The following NRXN3 variants were observed in gnomAD, a reference collection of about 807,000 sequenced individuals.
The protein encoded by NRXN3 is neurexin 3.
NRXN3 carries 32 observed loss-of-function variants against 137.6 expected under a neutral mutation model. The observed-to-expected ratio is 0.23, with a 90% confidence interval of 0.18 to 0.31. The LOEUF is 0.31. Among genes scored for constraint, NRXN3 ranks in the 10% least tolerant of loss-of-function variants. The probability of loss-of-function intolerance (pLI) is 1.00; values close to 1 mark genes in which losing one functional copy is unlikely to be tolerated. For missense variants in NRXN3, 1,574 were observed against 2,062.5 expected (o/e 0.76, Z 4.59); for synonymous variants, 798 against 784.5 (o/e 1.02, Z -0.29).
At chr14:79,764,669 G>A (rs544632609) in intron 19 of NRXN3, among the ~76,000 whole-genome samples, 82 of 152,068 alleles carry the variant, frequency 5.4e-4, no homozygotes, top group African/African-American at 1.9e-3. Flanking sequence ...CAGTCATAGA[G>A]CATTTCCTTA....
intron 15 of NRXN3, among the ~76,000 whole-genome samples, chr14:79,112,126 A>G (rs2053634646): frequency 1.3e-5 from 2 of 152,220 alleles, no homozygotes; most frequent in African/African-American, 4.8e-5. Context: ...GTACATAAAC[A>G]TGACTAAAAT....
intron 20 of NRXN3, among the ~76,000 whole-genome samples, chr14:79,837,301 A>ATTT (rs2099346111): frequency 6.6e-6 from 1 of 150,410 alleles, no homozygotes; most frequent in African/African-American, 2.4e-5. Flanking sequence ...TTTTTTTTTA[A>ATTT]AAAAACCGTC....
chr14:79,402,774 A>G (rs1306240678), intron 15 of NRXN3, among the ~76,000 whole-genome samples: 1 of 152,188 alleles, frequency 6.6e-6, no homozygotes, highest in Non-Finnish European at 1.5e-5. Context: ...CTCTCACAAA[A>G]CAATTGTATG....
At chr14:78,671,899 T>A (rs1157736884) in intron 6 of NRXN3, among the ~76,000 whole-genome samples, 1 of 152,222 alleles carries the variant, frequency 6.6e-6, no homozygotes, top group Non-Finnish European at 1.5e-5. Context: ...GGGAGACACT[T>A]ATCAATTCAG....
intron 15 of NRXN3, among the ~76,000 whole-genome samples, chr14:79,008,942 C>T (rs935510808): frequency 3.9e-4 from 59 of 152,120 alleles, no homozygotes; most frequent in African/African-American, 1.4e-3. Flanking sequence ...AAGACGTGAG[C>T]CACCACGCCT....
chr14:78,975,469 G>A (rs146829310), intron 14 of NRXN3, among the ~76,000 whole-genome samples: 144 of 152,342 alleles, frequency 9.5e-4, no homozygotes, highest in African/African-American at 3.4e-3. Flanking sequence ...GTAGGATAGA[G>A]ACAGGTAATG....
At chr14:78,300,348 A>C (rs567580271) in intron 4 of NRXN3, among the ~76,000 whole-genome samples, 47 of 152,372 alleles carry the variant, frequency 3.1e-4, no homozygotes, top group Non-Finnish European at 6.3e-4. Context: ...GTACTTTTGC[A>C]TGCAGACTTT....
intron 15 of NRXN3, among the ~76,000 whole-genome samples, chr14:79,086,825 T>C (rs892469857): frequency 3.3e-5 from 5 of 152,194 alleles, no homozygotes; most frequent in Non-Finnish European, 5.9e-5. Flanking sequence ...ATGTTAGATG[T>C]TCTTCATGGA....
intron 15 of NRXN3, among the ~76,000 whole-genome samples, chr14:79,382,001 A>T (rs2094484220): frequency 6.6e-6 from 1 of 152,190 alleles, no homozygotes; most frequent in Admixed American, 6.6e-5. Context: ...TATTTATTCA[A>T]CAGGTTTTGA....
rs370931889 is a variant in NRXN3 at position 79,000,708 on chromosome 14, T to C, written c.3262+12567T>C. Among the ~76,000 whole-genome samples, 29 of 152,156 alleles carry C rather than the reference T, an allele frequency of 1.9e-4. No homozygotes were observed. The East Asian group carries it at 4.1e-3, about 21-fold the overall frequency. ...ATCAGTGCCCTGCTGCTGGTGGAGGTTGCGGGAGGTGAGCTTTAGAAAAGG... is the reference window on the plus strand; with the variant it reads ...ATCAGTGCCCTGCTGCTGGTGGAGGCTGCGGGAGGTGAGCTTTAGAAAAGG... On this transcript the variant is annotated intron_variant, in intron 15 of 20. Coordinates refer to ENST00000335750, the MANE Select transcript of NRXN3 (RefSeq NM_001330195.2).
chr14:79,686,917 T>G (rs2098697666), intron 17 of NRXN3, among the ~76,000 whole-genome samples: 1 of 152,202 alleles, frequency 6.6e-6, no homozygotes, highest in Admixed American at 6.5e-5. Flanking sequence ...CAGGGTGATT[T>G]GCACTTCTTT....
intron 15 of NRXN3, among the ~76,000 whole-genome samples, chr14:79,164,332 T>C (rs1250300309): frequency 6.6e-6 from 1 of 152,030 alleles, no homozygotes. Flanking sequence ...AAGCAAAACA[T>C]GGTTAAATCC....
chr14:79,337,564 C>T (rs1373850445), intron 15 of NRXN3, among the ~76,000 whole-genome samples: 1 of 152,130 alleles, frequency 6.6e-6, no homozygotes. Flanking sequence ...GTCTTATTTC[C>T]AAAATTTCAT....
At chr14:78,220,934 T>C (rs2063791044) in intron 1 of NRXN3, among the ~76,000 whole-genome samples, 2 of 151,528 alleles carry the variant, frequency 1.3e-5, no homozygotes, top group Admixed American at 6.6e-5. Context: ...GGGAAAAGGG[T>C]TTAGAAGAGC....
At chr14:79,173,530 C>CAAAAAAA (rs57188919) in intron 15 of NRXN3, among the ~76,000 whole-genome samples, 8 of 91,026 alleles carry the variant, frequency 8.8e-5, no homozygotes, top group African/African-American at 3.1e-4. Context: ...GACCTTGTCT[C>CAAAAAAA]AAAAAAAAAA....
At chr14:78,322,996 T>C (rs1011158219) in intron 4 of NRXN3, among the ~76,000 whole-genome samples, 1 of 144,866 alleles carries the variant, frequency 6.9e-6, no homozygotes, top group Non-Finnish European at 1.6e-5. Flanking sequence ...GGGCACCTTA[T>C]TTCTTACTCC....
rs367580182 is a variant in NRXN3, at chr14:79,452,519, G to A, written c.3263-14702G>A. 1.9e-3 allele frequency among the ~76,000 whole-genome samples: 290 copies of A among 152,290 alleles called. 1 individual carries two copies. Among genetic ancestry groups the A allele is most frequent in the African/African-American group, 6.2e-3 (259 of 41,576 alleles). ...TCACAGCGTGATTTTGTGAATAAAAGCATAAGACCAGGACCAGGTGTAGAA... is the reference window on the plus strand; with the variant it reads ...TCACAGCGTGATTTTGTGAATAAAAACATAAGACCAGGACCAGGTGTAGAA... On this transcript the variant is annotated intron_variant, in intron 15 of 20. Coordinates refer to ENST00000335750, the MANE Select transcript of NRXN3 (RefSeq NM_001330195.2).
intron 1 of NRXN3, among the ~76,000 whole-genome samples, chr14:78,188,359 C>T (rs974341988): frequency 6.6e-5 from 10 of 152,204 alleles, no homozygotes; most frequent in South Asian, 2.1e-4. Context: ...CCACCTGGAG[C>T]GCAGATGTGA....
At chr14:78,330,375 TC>T (rs201542974) in intron 4 of NRXN3, among the ~76,000 whole-genome samples, 2,301 of 152,186 alleles carry the variant, frequency 0.015, 60 homozygotes, top group African/African-American at 0.053. Context: ...GGTGTTTTTT[TC>T]CTCCAGAACA....
Sources: allele counts gnomAD v4.1 joint callset (sites outside exome capture counted in the v4.1 genomes callset), GRCh38; gene constraint gnomAD v4.1.1; transcripts MANE v1.5; gene names NCBI Gene and HGNC (gene_info 2026-07-23, HGNC 2026-07-21).